Variants in SHOX observed in about 807,000 individuals in gnomAD.
SHOX encodes the protein short stature homeobox protein.
A neutral mutation model predicts 29.6 loss-of-function variants in SHOX; 12 were observed. The ratio of observed to expected loss-of-function variants is 0.41; its 90% CI spans 0.26 to 0.66. The LOEUF is 0.66. SHOX is among the 30% of genes least tolerant of loss of function. The pLI is 0.35. For synonymous variants in SHOX, 214 were observed against 200.6 expected, an observed-to-expected ratio of 1.07 and a Z score of -0.57; for missense variants, 499 against 437.7, an observed-to-expected ratio of 1.14 and a Z score of -1.25.
intron 1 of SHOX, 58 bp from the exon 2 acceptor site, chrX:634,560 C>G (rs1051610252): frequency 4.4e-6 from 7 of 1,580,844 alleles, no homozygotes; most frequent in Non-Finnish European, 6.1e-6. Context: ...CGAAGGGGTT[C>G]GCCACGTTGC....
In SHOX at chrX:630,847, G is replaced by A. The variant is rs1382937426; in HGVS notation, c.-51G>A. The stretch of plus-strand genomic sequence containing the variant: ...GCACGGGCCGTCCTCTCCGCGCGGG[G>A]AGACGCGCGCATCCACCAGCCCCGG... On this transcript the variant is annotated 5_prime_UTR_variant, in exon 1 of 5. Transcript: ENST00000686671. The A allele has an allele frequency of 1.9e-6, 3 of 1,607,452 alleles. No homozygotes were observed. The highest frequency in any genetic ancestry group is 1.1e-5 in the South Asian group (1 of 90,896).
chrX:631,249 G>A (rs2052643814), intron 1 of SHOX, 75 bp downstream of exon 1: 19 of 1,558,614 alleles, frequency 1.2e-5, no homozygotes, highest in Non-Finnish European at 1.7e-5. Context: ...AGTCGGCCCC[G>A]CGCGCCCCTC....
chrX:658,446 A>G (rs1305901326), intron 5 of SHOX, among the ~76,000 whole-genome samples: 5 of 151,356 alleles, frequency 3.3e-5, no homozygotes, highest in Admixed American at 2.0e-4. Context: ...CAATATTAGG[A>G]TAAGGCATGT....
At chrX:636,355 A>AACATATAAATATATAG (rs2052750718) in intron 2 of SHOX, among the ~76,000 whole-genome samples, 1 of 141,454 alleles carries the variant, frequency 7.1e-6, no homozygotes, top group Admixed American at 7.2e-5. Flanking sequence ...TAAATATATA[A>AACATATAAATATATAG]ACATATATAA....
At chrX:633,323 C>T (rs1262363021) in intron 1 of SHOX, among the ~76,000 whole-genome samples, 1 of 151,946 alleles carries the variant, frequency 6.6e-6, no homozygotes, top group Non-Finnish European at 1.5e-5. Context: ...GGGGTTCAGA[C>T]TTAGAGAAAT....
chrX:634,888 A>T, intron 2 of SHOX, 62 bp downstream of exon 2: 1 of 1,516,270 alleles, frequency 6.6e-7, no homozygotes, highest in Non-Finnish European at 8.9e-7. Context: ...GGGAGCGCAC[A>T]GCACGCGTAC....
chrX:652,459 G>C (rs1222750795), downstream of SHOX, among the ~76,000 whole-genome samples: 1 of 151,700 alleles, frequency 6.6e-6, no homozygotes, highest in Admixed American at 6.6e-5. Flanking sequence ...AGCTGGGAGG[G>C]AAGTGGGGGA....
chrX:641,660 A>C (rs1569494782), intron 4 of SHOX, among the ~76,000 whole-genome samples: 1 of 146,380 alleles, frequency 6.8e-6, no homozygotes, highest in Non-Finnish European at 1.5e-5. Context: ...ACTCTGGGTG[A>C]CAGAGTGAGA....
chrX:654,118 C>G (rs2053105040), downstream of SHOX, among the ~76,000 whole-genome samples: 1 of 151,852 alleles, frequency 6.6e-6, no homozygotes, highest in Non-Finnish European at 1.5e-5. Context: ...GCCAAAACCA[C>G]AGTTACTTTT....
At chrX:658,329 A>G (rs1342549725) in intron 5 of SHOX, among the ~76,000 whole-genome samples, 1 of 152,058 alleles carries the variant, frequency 6.6e-6, no homozygotes, top group Non-Finnish European at 1.5e-5. Flanking sequence ...GCCTTAAACC[A>G]TGAAGATAGA....
Position 645,329 on chromosome X carries a change from G to A in SHOX, c.*693G>A, listed in dbSNP as rs1335952224. The A allele has an allele frequency of 4.7e-5, 7 of 149,616 alleles. No individual in the cohort carries two copies. Among genetic ancestry groups the A allele is most frequent in the Non-Finnish European group, 8.9e-5 (6 of 67,654 alleles). 9.3% of individuals were successfully genotyped at this position (149,616 alleles called of 1,614,324 possible). A position where few individuals can be genotyped will look rare whatever the true frequency, so the allele number is the denominator to read the frequency against. On this transcript the variant is annotated 3_prime_UTR_variant, in exon 5 of 5. Transcript: ENST00000686671. ...CGTTCCGGGGACCTGAATGAGGACC[G>A]ACTTTATAACTTTTCCAGTGTTTGA...
rs2053054575 is a variant in SHOX at position 651,142 on chromosome X, A to G, written c.*6506A>G. The G allele has an allele frequency of 2.7e-6, 1 of 373,594 alleles. No individual in the cohort carries two copies. Among genetic ancestry groups the G allele is most frequent in the South Asian group, 2.0e-5 (1 of 49,208 alleles). 23.1% of individuals were successfully genotyped at this position (373,594 alleles called of 1,614,324 possible). A position where few individuals can be genotyped will look rare whatever the true frequency, so the allele number is the denominator to read the frequency against. ...CTTGGTCGGACGTTCATAAATATGT[A>G]CTATTTTAATTATGTCGAGTGTAAA... On this transcript the variant is annotated 3_prime_UTR_variant, in exon 5 of 5. Transcript: ENST00000686671.
rs761958612 is a variant in SHOX, at chrX:640,551, G to A, written c.487-270G>A. On this transcript the variant is annotated intron_variant, in intron 2 of 4. Transcript: ENST00000686671. ...AGATAGTGCCACTGCACTCCAGCCT[G>A]GGCGACAGAGCGAGACTTGATTTCA... Among the ~76,000 whole-genome samples, 12 of 152,250 alleles carry A rather than the reference G, an allele frequency of 7.9e-5. No individual in the cohort carries two copies. In the South Asian group the frequency reaches 1.2e-3, roughly 16 times the overall value.
At position 658,278 on chromosome X, in the gene SHOX, G is replaced by C. The variant is rs762352901; in HGVS notation, c.634-507G>C. ...ACATGAGCCAGCACGCCCGGCCCCA[G>C]GTGGTCTTTTTAGCGGGTATTAAAG... On this transcript the variant is annotated intron_variant, in intron 5 of 5. Transcript: ENST00000334060. Among the ~76,000 whole-genome samples, 9 of 151,642 alleles carry C rather than the reference G, an allele frequency of 5.9e-5. No individual in the cohort carries two copies. The East Asian group carries it at 1.6e-3, about 27-fold the overall frequency.
At chrX:658,769 C>G in intron 5 of SHOX, 1 of 357,940 alleles carries the variant, frequency 2.8e-6, no homozygotes, top group Non-Finnish European at 5.5e-6. Flanking sequence ...TGCACTTGGC[C>G]TTTTTTTTTT....
chrX:635,469 C>T (rs2052728692), intron 2 of SHOX, among the ~76,000 whole-genome samples: 1 of 152,172 alleles, frequency 6.6e-6, no homozygotes, highest in African/African-American at 2.4e-5. Flanking sequence ...TTCTATCTCC[C>T]TCCTCCCCTC....
At chrX:655,365 C>G (rs953191533), downstream of SHOX, among the ~76,000 whole-genome samples, 1 of 151,852 alleles carries the variant, frequency 6.6e-6, no homozygotes, top group African/African-American at 2.4e-5. Flanking sequence ...CCTCAGCCTC[C>G]CAAAGTGCTG....
intron 2 of SHOX, among the ~76,000 whole-genome samples, chrX:635,208 G>C (rs182175934): frequency 1.9e-3 from 296 of 152,152 alleles, no homozygotes; most frequent in African/African-American, 6.8e-3. Flanking sequence ...ATTGGTTATA[G>C]GGGCAACACA....
chrX:656,004 CCT>C (rs1255284040), downstream of SHOX, among the ~76,000 whole-genome samples: 1 of 145,954 alleles, frequency 6.9e-6, no homozygotes, highest in African/African-American at 2.6e-5. Context: ...ATGGTGAAAC[CCT>C]GTCTCTCCAA....
Sources: allele counts gnomAD v4.1 joint callset (sites outside exome capture counted in the v4.1 genomes callset), GRCh38; gene constraint gnomAD v4.1.1; transcripts MANE v1.5; gene names NCBI Gene and HGNC (gene_info 2026-07-23, HGNC 2026-07-21).